The following LYPD1 variants were observed in gnomAD, a reference collection of about 807,000 sequenced individuals.
LYPD1 encodes LY6/PLAUR domain containing 1, also known as ly6/PLAUR domain-containing protein 1.
In LYPD1, 14 loss-of-function variants were observed where a neutral mutation model predicts 14.2. The ratio of observed to expected loss-of-function variants is 0.99; its 90% CI spans 0.65 to 1.54. The LOEUF is 1.54. Ranked by LOEUF, LYPD1 falls within the 40% of genes most tolerant of loss-of-function variation. LYPD1 has a pLI of 0.00. For synonymous variants in LYPD1, 85 were observed against 70.6 expected (o/e 1.20, Z -1.02); for missense variants, 165 against 175.7 (o/e 0.94, Z 0.34).
At position 132,646,149 on chromosome 2, in the gene LYPD1, C is replaced by A. The variant is rs775735234; in HGVS notation, c.322G>T (p.Gly108Trp). The stretch of plus-strand genomic sequence containing the variant: ...CTTCCCCTTTTCTTGGGCCTTGGCC[C>A]GTTACAAAGAGGGGTGTTGCAGCAG... ...ISCCNTPLCN[G>W]PRPKKRGSSA... The change falls in exon 3 of 3, where the codon GGG becomes TGG. Residue 108 changes from glycine (G) to tryptophan (W), a missense_variant. By Grantham distance (184) the Gly-to-Trp change is radical. Coordinates refer to ENST00000397463, the MANE Select transcript of LYPD1 (RefSeq NM_144586.7). The A allele has an allele frequency of 6.2e-7, 1 of 1,611,628 alleles. No homozygotes were observed. Among genetic ancestry groups the A allele is most frequent in the South Asian group, 1.1e-5 (1 of 90,612 alleles).
Position 132,658,384 on chromosome 2 carries a change from C to T in LYPD1, c.190+10016G>A, listed in dbSNP as rs193047938. On this transcript the variant is annotated intron_variant, in intron 2 of 2. Coordinates refer to ENST00000397463, the MANE Select transcript of LYPD1 (RefSeq NM_144586.7). ...AGGGTGGAGGCAAGAACAGAAAGGA[C>T]GGGGGCAGCAGTAATGGCTGGTAAA... Among the ~76,000 whole-genome samples the T allele has an allele frequency of 2.9e-3, 437 of 152,226 alleles. 8 individuals are homozygous for T. Among genetic ancestry groups the T allele is most frequent in the Non-Finnish European group, 4.4e-4 (30 of 68,010 alleles).
In LYPD1 at chr2:132,645,222, C is replaced by A; in HGVS notation, c.*823G>T. 1 of 1,614,194 alleles carries A rather than the reference C, an allele frequency of 6.2e-7. No individual in the cohort carries two copies. The highest frequency in any genetic ancestry group is 8.5e-7 in the Non-Finnish European group (1 of 1,180,030). On this transcript the variant is annotated 3_prime_UTR_variant, in exon 3 of 3. Coordinates refer to ENST00000397463, the MANE Select transcript of LYPD1 (RefSeq NM_144586.7). ...ACTTCCGGGCGTACATGATCCTCCT[C>A]CCCTTCTCGGAGACGTTTTTCTACC...
chr2:132,644,651 C>G lies in LYPD1; in HGVS notation c.*1394G>C, dbSNP rs9967846. Among the ~76,000 whole-genome samples the G allele has an allele frequency of 0.073, 11,034 of 151,410 alleles. 1,340 individuals carry two copies. The highest frequency in any genetic ancestry group is 0.25 in the African/African-American group (10,512 of 41,228). On this transcript the variant is annotated 3_prime_UTR_variant, in exon 3 of 3. Coordinates refer to ENST00000397463, the MANE Select transcript of LYPD1 (RefSeq NM_144586.7). ...TCTTCCATTTGATTTAAAAATATCA[C>G]TAGGTCTTCTTTGTGCAGACATCCT...
In LYPD1 at chr2:132,668,526, G is replaced by A. The variant is rs776193866; in HGVS notation, c.64C>T (p.Gln22Ter). 1 of 1,612,184 alleles carries A rather than the reference G, an allele frequency of 6.2e-7. No individual in the cohort carries two copies. Among genetic ancestry groups the A allele is most frequent in the Non-Finnish European group, 8.5e-7 (1 of 1,179,314 alleles). Residue 22 changes from glutamine to a stop codon, truncating the protein, a stop_gained, in exon 2 of 3, where the codon CAA (glutamine) becomes TAA (stop). Coordinates refer to ENST00000397463, the MANE Select transcript of LYPD1 (RefSeq NM_144586.7). LOFTEE classifies it high-confidence loss of function. ...GLFLLPGFAL[Q>*]IQCYQCEEFQ... ...TCTTCACACTGGTAGCACTGGATTT[G>A]CAGCGCAAAGCCTGCGAGACAGACG...
rs1189191107 is a variant in LYPD1 at position 132,645,059 on chromosome 2, T to C, written c.*986A>G. On this transcript the variant is annotated 3_prime_UTR_variant, in exon 3 of 3. Transcript: ENST00000397463. ...CATTTACTGTGTTCTCATGCTGTGT[T>C]TTTCTTTTCTCTGTCTCTCCCTCCT... The C allele has an allele frequency of 6.3e-7, 1 of 1,574,970 alleles. No individual in the cohort carries two copies. Among genetic ancestry groups the C allele is most frequent in the Non-Finnish European group, 8.6e-7 (1 of 1,159,398 alleles).
intron 2 of LYPD1, 141 bp from the exon 3 acceptor site, chr2:132,646,421 G>T: frequency 2.2e-6 from 1 of 447,442 alleles, no homozygotes; most frequent in Non-Finnish European, 3.9e-6. Context: ...AAGTGCTTCG[G>T]ATTGTCTCAT....
chr2:132,663,025 A>AG (rs1218359485), intron 2 of LYPD1: 1 of 152,204 alleles, frequency 6.6e-6, no homozygotes, highest in Non-Finnish European at 1.5e-5. Flanking sequence ...GGCACATGAA[A>AG]GAGATAGTTG....
At chr2:132,665,267 G>A (rs1218805057) in intron 2 of LYPD1, among the ~76,000 whole-genome samples, 2 of 152,152 alleles carry the variant, frequency 1.3e-5, no homozygotes, top group East Asian at 3.8e-4. Flanking sequence ...TTGCATGGCT[G>A]GTATTTTTTG....
intron 2 of LYPD1, among the ~76,000 whole-genome samples, chr2:132,657,980 C>T (rs747460790): frequency 2.0e-5 from 3 of 152,266 alleles, no homozygotes; most frequent in South Asian, 2.1e-4. Context: ...CAGCTACTAG[C>T]GGCCATGAGA....
chr2:132,658,042 A>G (rs1293220438), intron 2 of LYPD1, among the ~76,000 whole-genome samples: 1 of 152,132 alleles, frequency 6.6e-6, no homozygotes, highest in Admixed American at 6.5e-5. Flanking sequence ...GACTTTGGAA[A>G]CTCTTTTGCG....
Position 132,645,569 on chromosome 2 carries a change from C to G in LYPD1, c.*476G>C, listed in dbSNP as rs770359662. The G allele has an allele frequency of 5.6e-6, 9 of 1,613,902 alleles. No individual in the cohort carries two copies. The Admixed American group carries it at 1.0e-4, about 18-fold the overall frequency. On this transcript the variant is annotated 3_prime_UTR_variant, in exon 3 of 3. Transcript: ENST00000397463. ...AACTCAGGCGCGAAACCAGCCAATT[C>G]TGCTGCAGAGAATGGTTTTCAGGAG...
chr2:132,659,981 C>T (rs551462853), intron 2 of LYPD1, among the ~76,000 whole-genome samples: 3 of 152,348 alleles, frequency 2.0e-5, no homozygotes, highest in East Asian at 1.9e-4. Flanking sequence ...AAGATGCCTC[C>T]GTGGAGGGCA....
Position 132,670,090 on chromosome 2 carries a change from C to G in LYPD1, c.-158G>C, listed in dbSNP as rs570630760. 220 of 1,473,868 alleles carry G rather than the reference C, an allele frequency of 1.5e-4. No individual in the cohort carries two copies. In the African/African-American group the frequency reaches 2.5e-3, roughly 17 times the overall value. 91.3% of individuals were successfully genotyped at this position (1,473,868 alleles called of 1,614,324 possible). A position where few individuals can be genotyped will look rare whatever the true frequency, so the allele number is the denominator to read the frequency against. ...CGTAGCTTAGAGGAGCCGCAGGTGC[C>G]GCTCGCGGAGCCTGCATCGCCCGCG... On this transcript the variant is annotated 5_prime_UTR_variant, in exon 1 of 3. Transcript: ENST00000397463. This position sits in a 1 kb window ranked among gnomAD's most constrained non-coding sequence, Gnocchi z 4.5.
chr2:132,645,772 C>A lies in LYPD1; in HGVS notation c.*273G>T. ...AGTGACTTCTAAGGACTGACTCTGC[C>A]AGCCTGGCCTTGACTCCGGTTACAC... is the stretch of plus-strand genomic sequence containing the variant. On this transcript the variant is annotated 3_prime_UTR_variant, in exon 3 of 3. Coordinates refer to ENST00000397463, the MANE Select transcript of LYPD1 (RefSeq NM_144586.7). 2 of 1,003,146 alleles carry A rather than the reference C, an allele frequency of 2.0e-6. No individual in the cohort carries two copies. Among genetic ancestry groups the A allele is most frequent in the Non-Finnish European group, 2.8e-6 (2 of 703,808 alleles). The allele number at this position is 1,003,146 out of a possible 1,614,324, so 62.1% of individuals were successfully genotyped here. A position where few individuals can be genotyped will look rare whatever the true frequency, so the allele number is the denominator to read the frequency against.
intron 2 of LYPD1, among the ~76,000 whole-genome samples, chr2:132,652,567 C>T (rs999925858): frequency 8.5e-5 from 13 of 152,260 alleles, no homozygotes; most frequent in African/African-American, 2.9e-4. Context: ...GTCCATCAAA[C>T]GTGGCTCGGA....
At chr2:132,657,230 G>A (rs1296290701) in intron 2 of LYPD1, among the ~76,000 whole-genome samples, 1 of 152,132 alleles carries the variant, frequency 6.6e-6, no homozygotes, top group African/African-American at 2.4e-5. Context: ...ATTAGACTTG[G>A]ATTTCTTTGC....
chr2:132,666,606 GA>G (rs1352784998), intron 2 of LYPD1: 1 of 152,184 alleles, frequency 6.6e-6, no homozygotes, highest in African/African-American at 2.4e-5. Flanking sequence ...CCAGACACTT[GA>G]AGTCTGTGCT....
chr2:132,647,835 C>T (rs188343597), intron 2 of LYPD1, among the ~76,000 whole-genome samples: 213 of 152,182 alleles, frequency 1.4e-3, no homozygotes, highest in African/African-American at 4.6e-3. Flanking sequence ...GTTTTGGCTC[C>T]GTCCTCGAGA....
rs371236022 is a variant in LYPD1 at position 132,649,833 on chromosome 2, AT to A, written c.191-3554del. 8.6e-4 allele frequency among the ~76,000 whole-genome samples: 131 copies of A among 151,696 alleles called. 1 individual carries two copies. Among genetic ancestry groups the A allele is most frequent in the Middle Eastern group, 3.4e-3 (1 of 292 alleles). ...AGATCTAAGATTTAAATGTTGGGGG[AT>A]AAAAACCCCATAAAAGTACTAAACG... On this transcript the variant is annotated intron_variant, in intron 2 of 2. Coordinates refer to ENST00000397463, the MANE Select transcript of LYPD1 (RefSeq NM_144586.7).
Sources: allele counts gnomAD v4.1 joint callset (sites outside exome capture counted in the v4.1 genomes callset), GRCh38; gene constraint gnomAD v4.1.1; non-coding constraint Gnocchi (gnomAD v3.1); transcripts MANE v1.5; gene names NCBI Gene and HGNC (gene_info 2026-07-23, HGNC 2026-07-21).